The following LINGO2 variants were observed in gnomAD, a reference collection of about 807,000 sequenced individuals.
LINGO2 encodes the protein leucine-rich repeat and immunoglobulin-like domain-containing nogo receptor-interacting protein 2.
A neutral mutation model predicts 30.6 loss-of-function variants in LINGO2; 14 were observed. The observed-to-expected ratio is 0.46, with a 90% CI of 0.30 to 0.72. The LOEUF (loss-of-function observed/expected upper bound fraction) is 0.72. LINGO2 is among the 30% of genes least tolerant of loss of function. The pLI is 0.07. For missense variants in LINGO2, 729 were observed against 751.7 expected, an observed-to-expected ratio of 0.97 and a Z score of 0.35; for synonymous variants, 317 against 288.5, an observed-to-expected ratio of 1.10 and a Z score of -1.00.
chr9:28,190,903 T>C (rs1343375204), intron 4 of LINGO2, among the ~76,000 whole-genome samples: 1 of 152,228 alleles, frequency 6.6e-6, no homozygotes, highest in African/African-American at 2.4e-5. Context: ...TAACAACTAA[T>C]ATACCAGACA....
At chr9:28,027,647 G>A (rs767763114) in intron 4 of LINGO2, among the ~76,000 whole-genome samples, 18 of 148,816 alleles carry the variant, frequency 1.2e-4, no homozygotes, top group Admixed American at 1.1e-3. Flanking sequence ...TCTGTGTTCC[G>A]TTTCTTTAAA....
At chr9:28,963,193 T>C in the LINGO2 span, among the ~76,000 whole-genome samples, 1 of 152,050 alleles carries the variant, frequency 6.6e-6, no homozygotes, top group East Asian at 1.9e-4. Flanking sequence ...GAGAAGAGTA[T>C]TGACTAACAG....
chr9:28,090,754 A>T (rs1338288657), intron 4 of LINGO2, among the ~76,000 whole-genome samples: 1 of 152,174 alleles, frequency 6.6e-6, no homozygotes, highest in Admixed American at 6.6e-5. Flanking sequence ...GTATTCAATT[A>T]GGAAAAGAGG....
At chr9:28,599,260 T>C (rs1825352831) in intron 1 of LINGO2, 1 of 152,194 alleles carries the variant, frequency 6.6e-6, no homozygotes, top group African/African-American at 2.4e-5. Context: ...GGTAATTGAA[T>C]ATCTTACCTA....
chr9:29,187,464 ACT>A, the LINGO2 span, among the ~76,000 whole-genome samples: 1 of 152,158 alleles, frequency 6.6e-6, no homozygotes, highest in African/African-American at 2.4e-5. Flanking sequence ...CTGGTCGTTC[ACT>A]CTGTCATTAA....
chr9:28,819,237 T>C, the LINGO2 span, among the ~76,000 whole-genome samples: 1 of 152,168 alleles, frequency 6.6e-6, no homozygotes, highest in Non-Finnish European at 1.5e-5. Context: ...GCTCTTGCTC[T>C]TGTTGATCCT....
chr9:28,231,173 T>A (rs1168254185), intron 4 of LINGO2, among the ~76,000 whole-genome samples: 2 of 149,694 alleles, frequency 1.3e-5, no homozygotes, highest in Non-Finnish European at 3.0e-5. Flanking sequence ...AAAAAAAAAA[T>A]ACTACCTTTA....
At chr9:29,026,492 T>C in the LINGO2 span, among the ~76,000 whole-genome samples, 9 of 152,170 alleles carry the variant, frequency 5.9e-5, no homozygotes, top group African/African-American at 1.2e-4. Flanking sequence ...TTTCATGTCT[T>C]TAATTTTTTA....
the LINGO2 span, among the ~76,000 whole-genome samples, chr9:29,119,606 G>C: frequency 9.5e-6 from 1 of 105,278 alleles, no homozygotes; most frequent in Non-Finnish European, 1.8e-5. Context: ...TTTTTTTGGA[G>C]ACAGAGTTTC....
At chr9:28,808,168 GC>G in the LINGO2 span, among the ~76,000 whole-genome samples, 12 of 152,236 alleles carry the variant, frequency 7.9e-5, no homozygotes, top group Admixed American at 1.3e-4. Flanking sequence ...AGAACCAAAA[GC>G]TTTTAGAGCT....
the LINGO2 span, among the ~76,000 whole-genome samples, chr9:29,204,478 C>CT: frequency 6.6e-6 from 1 of 152,174 alleles, no homozygotes; most frequent in African/African-American, 2.4e-5. Flanking sequence ...GACCCAGGGC[C>CT]TACCTACTCC....
chr9:28,707,786 G>A, the LINGO2 span, among the ~76,000 whole-genome samples: 1 of 152,060 alleles, frequency 6.6e-6, no homozygotes, highest in East Asian at 1.9e-4. Flanking sequence ...GGAGGAAGAA[G>A]TAGTGTAATA....
chr9:28,259,344 G>C (rs1312301707), intron 4 of LINGO2, among the ~76,000 whole-genome samples: 1 of 151,930 alleles, frequency 6.6e-6, no homozygotes, highest in Non-Finnish European at 1.5e-5. Context: ...AAAACCTAAT[G>C]TTTTTTTCTT....
the LINGO2 span, among the ~76,000 whole-genome samples, chr9:28,912,297 G>A: frequency 6.6e-6 from 1 of 152,080 alleles, no homozygotes; most frequent in Non-Finnish European, 1.5e-5. Context: ...TGAAAAACCT[G>A]TGCTGCCCAT....
intron 4 of LINGO2, among the ~76,000 whole-genome samples, chr9:28,274,159 C>A (rs866846011): frequency 1.6e-4 from 24 of 152,204 alleles, no homozygotes; most frequent in Middle Eastern, 6.8e-3. Context: ...CCTCAGTAAC[C>A]TAAGCACACA....
intron 4 of LINGO2, among the ~76,000 whole-genome samples, chr9:28,059,875 T>G (rs1169906524): frequency 6.6e-6 from 1 of 151,794 alleles, no homozygotes; most frequent in Non-Finnish European, 1.5e-5. Flanking sequence ...GAGGCCTAAG[T>G]ACATGCAAAT....
the LINGO2 span, among the ~76,000 whole-genome samples, chr9:29,051,071 C>T: frequency 6.6e-6 from 1 of 152,046 alleles, no homozygotes; most frequent in Non-Finnish European, 1.5e-5. Flanking sequence ...TCTATATACT[C>T]CCTGCTCCAA....
At chr9:28,510,427 G>A (rs921758013) in intron 1 of LINGO2, among the ~76,000 whole-genome samples, 2 of 152,156 alleles carry the variant, frequency 1.3e-5, no homozygotes, top group East Asian at 3.9e-4. Context: ...AAGAGAAAAT[G>A]CATTTACTAT....
At chr9:28,092,931 C>T (rs936889479) in intron 4 of LINGO2, among the ~76,000 whole-genome samples, 7 of 151,984 alleles carry the variant, frequency 4.6e-5, no homozygotes, top group Admixed American at 2.6e-4. Context: ...TGCATCATGG[C>T]TTTTAATTCT....
Sources: allele counts gnomAD v4.1 joint callset (sites outside exome capture counted in the v4.1 genomes callset), GRCh38; gene constraint gnomAD v4.1.1; transcripts MANE v1.5; gene names NCBI Gene and HGNC (gene_info 2026-07-23, HGNC 2026-07-21).